The following KCNIP4 variants were observed in gnomAD, a reference collection of about 807,000 sequenced individuals.
The protein encoded by KCNIP4 is potassium voltage-gated channel interacting protein 4, also known as Kv channel-interacting protein 4.
KCNIP4 carries 12 observed loss-of-function variants against 34.0 expected under a neutral mutation model. The ratio of observed to expected loss-of-function variants is 0.35; its 90% CI spans 0.23 to 0.57. The LOEUF is 0.57. KCNIP4 is among the 20% of genes least tolerant of loss of function. The probability of loss-of-function intolerance (pLI) is 0.83; values close to 1 mark genes in which losing one functional copy is unlikely to be tolerated. For synonymous variants in KCNIP4, 124 were observed against 102.2 expected, an observed-to-expected ratio of 1.21 and a Z score of -1.29; for missense variants, 238 against 311.7, an observed-to-expected ratio of 0.76 and a Z score of 1.78.
At chr4:21,038,411 T>C (rs1741653399) in intron 1 of KCNIP4, among the ~76,000 whole-genome samples, 1 of 152,168 alleles carries the variant, frequency 6.6e-6, no homozygotes, top group Non-Finnish European at 1.5e-5. Context: ...ATGCCACAGA[T>C]GCAGGACAGT....
intron 1 of KCNIP4, among the ~76,000 whole-genome samples, chr4:21,915,054 T>TA (rs777040843): frequency 6.6e-6 from 1 of 152,178 alleles, no homozygotes; most frequent in Non-Finnish European, 1.5e-5. Flanking sequence ...AATCTTATAA[T>TA]AAAATGTTTA....
intron 1 of KCNIP4, among the ~76,000 whole-genome samples, chr4:21,287,388 CA>C (rs1021867270): frequency 2.0e-5 from 3 of 152,042 alleles, no homozygotes; most frequent in Admixed American, 2.0e-4. Context: ...AATTATTATG[CA>C]AAAGCAAAAG....
rs143421137 is a variant in KCNIP4 at position 21,735,391 on chromosome 4, T to C, written c.61+213180A>G. Reference sequence around the variant, plus strand: ...ACAAAGATTACAAATACTTAAAACTTCATTGCATCCTAATTATTTTACTAT... The same window carrying C: ...ACAAAGATTACAAATACTTAAAACTCCATTGCATCCTAATTATTTTACTAT... On this transcript the variant is annotated intron_variant, in intron 1 of 8. Coordinates refer to ENST00000382152, the MANE Select transcript of KCNIP4 (RefSeq NM_025221.6). 2.7e-3 allele frequency among the ~76,000 whole-genome samples: 418 copies of C among 152,268 alleles called. 2 individuals carry two copies. The highest frequency in any genetic ancestry group is 9.3e-3 in the African/African-American group (385 of 41,570).
chr4:21,182,947 C>T (rs1489531145), intron 1 of KCNIP4, among the ~76,000 whole-genome samples: 1 of 152,072 alleles, frequency 6.6e-6, no homozygotes. Flanking sequence ...TGCAATAGAT[C>T]TCTAAGTTAT....
chr4:21,187,824 A>G (rs1755353914), intron 1 of KCNIP4, among the ~76,000 whole-genome samples: 1 of 152,214 alleles, frequency 6.6e-6, no homozygotes, highest in Non-Finnish European at 1.5e-5. Context: ...GGCAGCAAAT[A>G]CAAAATAACC....
intron 3 of KCNIP4, among the ~76,000 whole-genome samples, chr4:20,773,047 G>A (rs200507366): frequency 6.0e-4 from 89 of 147,194 alleles, no homozygotes; most frequent in Middle Eastern, 3.5e-3. Context: ...TGAAGTTAAA[G>A]AAAAAAAAAA....
rs565827827 is a variant in KCNIP4, at chr4:21,064,811, C to A, written c.62-182102G>T. On this transcript the variant is annotated intron_variant, in intron 1 of 8. Coordinates refer to ENST00000382152, the MANE Select transcript of KCNIP4 (RefSeq NM_025221.6). ...AATGTATTGTGAAATTAAAAAATGG[C>A]GGTATATGTGAAATCACTTTGAAAA... Among the ~76,000 whole-genome samples the A allele has an allele frequency of 1.0e-3, 155 of 151,944 alleles. 1 individual carries two copies. The highest frequency in any genetic ancestry group is 3.6e-3 in the African/African-American group (148 of 41,432).
chr4:20,928,812 T>C (rs1730155794), intron 1 of KCNIP4, among the ~76,000 whole-genome samples: 1 of 151,918 alleles, frequency 6.6e-6, no homozygotes, highest in South Asian at 2.1e-4. Flanking sequence ...TAACGGGCTA[T>C]TATAAACAAT....
At chr4:20,950,131 T>TA (rs57425716) in intron 1 of KCNIP4, among the ~76,000 whole-genome samples, 106,355 of 137,662 alleles carry the variant, frequency 0.77, 40,949 homozygotes, top group East Asian at 0.83. Flanking sequence ...TTTTTTAAAT[T>TA]AAAAAAAAAA....
intron 1 of KCNIP4, among the ~76,000 whole-genome samples, chr4:21,063,953 T>G (rs1190791410): frequency 1.3e-5 from 2 of 152,192 alleles, no homozygotes; most frequent in African/African-American, 4.8e-5. Context: ...AACAATTTTG[T>G]GTTTAAACCT....
At chr4:21,178,103 G>A (rs1021791686) in intron 1 of KCNIP4, among the ~76,000 whole-genome samples, 2 of 152,000 alleles carry the variant, frequency 1.3e-5, no homozygotes, top group Non-Finnish European at 2.9e-5. Flanking sequence ...GACTTACTTA[G>A]CATAAGGCAC....
At chr4:20,752,794 A>G (rs1753878670) in intron 4 of KCNIP4, 1 of 152,210 alleles carries the variant, frequency 6.6e-6, no homozygotes, top group African/African-American at 2.4e-5. Context: ...CTAGGCAGAA[A>G]ACTGGATAAA....
chr4:20,868,385 T>C (rs915719923), intron 2 of KCNIP4, among the ~76,000 whole-genome samples: 9 of 152,070 alleles, frequency 5.9e-5, no homozygotes, highest in African/African-American at 2.4e-5. Flanking sequence ...TTCTTACACA[T>C]GGTGGGAATG....
At chr4:21,879,430 T>C (rs1176144787) in intron 1 of KCNIP4, among the ~76,000 whole-genome samples, 1 of 152,236 alleles carries the variant, frequency 6.6e-6, no homozygotes, top group South Asian at 2.1e-4. Context: ...GAGGCCAATC[T>C]GACCAGCATG....
intron 1 of KCNIP4, among the ~76,000 whole-genome samples, chr4:21,405,939 G>T (rs558650512): frequency 1.3e-5 from 2 of 152,280 alleles, no homozygotes; most frequent in South Asian, 4.1e-4. Context: ...GGGTTCAAGC[G>T]ATTCTCCTGC....
chr4:21,569,844 T>C (rs1740225698), intron 1 of KCNIP4, among the ~76,000 whole-genome samples: 1 of 152,014 alleles, frequency 6.6e-6, no homozygotes, highest in Non-Finnish European at 1.5e-5. Flanking sequence ...TCCCTGCAGT[T>C]GGTAGTTGGA....
chr4:21,094,501 A>C (rs1747291781), intron 1 of KCNIP4, among the ~76,000 whole-genome samples: 1 of 152,156 alleles, frequency 6.6e-6, no homozygotes, highest in African/African-American at 2.4e-5. Flanking sequence ...AACAAGAGGA[A>C]AGAAAAGTCA....
rs141898126 is a variant in KCNIP4, at chr4:21,142,129, C to A, written c.62-259420G>T. 2.2e-3 allele frequency among the ~76,000 whole-genome samples: 295 copies of A among 131,146 alleles called. 2 individuals are homozygous for A. Among genetic ancestry groups the A allele is most frequent in the Non-Finnish European group, 3.5e-3 (228 of 64,540 alleles). 86.0% of individuals were successfully genotyped at this position (131,146 alleles called of 152,430 possible). A position where few individuals can be genotyped will look rare whatever the true frequency, so the allele number is the denominator to read the frequency against. ...TCGTGCCACTGCACTCCAGCCTGGG[C>A]GACAGTGCGAGACACCGTCTCAAAA... On this transcript the variant is annotated intron_variant, in intron 1 of 8. Coordinates refer to ENST00000382152, the MANE Select transcript of KCNIP4 (RefSeq NM_025221.6).
At chr4:21,456,192 G>T (rs1728941618) in intron 1 of KCNIP4, among the ~76,000 whole-genome samples, 1 of 147,182 alleles carries the variant, frequency 6.8e-6, no homozygotes, top group Admixed American at 6.7e-5. Flanking sequence ...CCAGTTACAG[G>T]GACATTAAGT....
Sources: allele counts gnomAD v4.1 joint callset (sites outside exome capture counted in the v4.1 genomes callset), GRCh38; gene constraint gnomAD v4.1.1; transcripts MANE v1.5; gene names NCBI Gene and HGNC (gene_info 2026-07-23, HGNC 2026-07-21).